Variants in IQCM observed in about 807,000 individuals in gnomAD.
IQCM encodes IQ domain-containing protein M.
A neutral mutation model predicts 57.6 loss-of-function variants in IQCM; 45 were observed. That is an observed-to-expected ratio of 0.78 (90% confidence interval 0.62 to 1.00). IQCM has a LOEUF of 1.00. Ranked by LOEUF, IQCM falls within the 50% of genes least tolerant of loss-of-function variation. The pLI is 0.00. For missense variants in IQCM, 468 were observed against 511.6 expected (o/e 0.91, Z 0.82); for synonymous variants, 148 against 158.9 (o/e 0.93, Z 0.51).
At chr4:149,758,280 A>G (rs1399407464) in intron 2 of IQCM, among the ~76,000 whole-genome samples, 1 of 152,198 alleles carries the variant, frequency 6.6e-6, no homozygotes, top group Admixed American at 6.5e-5. Flanking sequence ...ATCCAGATGC[A>G]AAAACAAAGA....
At chr4:149,587,855 A>T (rs1752780272) in intron 9 of IQCM, 75 bp downstream of exon 9, 1 of 629,668 alleles carries the variant, frequency 1.6e-6, no homozygotes, top group African/African-American at 1.9e-5. Flanking sequence ...CCTAGTTATT[A>T]AAGTCAGCAA....
intron 2 of IQCM, among the ~76,000 whole-genome samples, chr4:149,767,164 A>G (rs1241534029): frequency 6.6e-6 from 1 of 152,070 alleles, no homozygotes; most frequent in African/African-American, 2.4e-5. Context: ...GAATAGAAAG[A>G]GGTAAAATCT....
At chr4:149,475,180 C>T (rs760692651) in intron 12 of IQCM, among the ~76,000 whole-genome samples, 4 of 152,126 alleles carry the variant, frequency 2.6e-5, no homozygotes, top group Non-Finnish European at 5.9e-5. Flanking sequence ...ATGGATGAGA[C>T]TATCTCATGG....
At chr4:149,481,696 G>GTTTTTTTTTTTTTTTTTTTTTTTTTTT (rs1197852884) in intron 12 of IQCM, among the ~76,000 whole-genome samples, 7 of 33,614 alleles carry the variant, frequency 2.1e-4, no homozygotes, top group Admixed American at 1.4e-3. Context: ...GATTCTTCCA[G>GTTTTTTTTTTTTTTTTTTTTTTTTTTT]TTTTGTTTTT....
chr4:149,602,270 T>C (rs1754386554), intron 8 of IQCM, among the ~76,000 whole-genome samples: 1 of 152,134 alleles, frequency 6.6e-6, no homozygotes, highest in South Asian at 2.1e-4. Context: ...TGAACATTAC[T>C]GGAATTTGGT....
At chr4:149,492,987 T>C (rs1487002173) in intron 12 of IQCM, among the ~76,000 whole-genome samples, 1 of 152,092 alleles carries the variant, frequency 6.6e-6, no homozygotes, top group South Asian at 2.1e-4. Flanking sequence ...ATGTCCATCT[T>C]GTAAGAGCAC....
chr4:149,519,611 G>A (rs553704807), intron 12 of IQCM, among the ~76,000 whole-genome samples: 15 of 151,606 alleles, frequency 9.9e-5, no homozygotes, highest in East Asian at 5.9e-4. Context: ...GCGCCACTGC[G>A]CTCCAGCCTG....
chr4:149,512,600 C>G (rs1579317063), intron 12 of IQCM, among the ~76,000 whole-genome samples: 2 of 151,940 alleles, frequency 1.3e-5, no homozygotes, highest in East Asian at 3.9e-4. Context: ...TCTACTAAGC[C>G]AGAGGTAAAA....
chr4:149,769,706 AG>A (rs1770390290), intron 2 of IQCM, among the ~76,000 whole-genome samples: 1 of 152,096 alleles, frequency 6.6e-6, no homozygotes, highest in African/African-American at 2.4e-5. Context: ...ATAATAATAA[AG>A]GGGTCAATTG....
rs1742213303 is a variant in IQCM at position 149,492,609 on chromosome 4, T to C, written c.1228+55846A>G. On this transcript the variant is annotated intron_variant, in intron 12 of 13. Transcript: ENST00000636793. ...TAGCCATAAGGCCCATTCGAACATCTTGCAAGGCCTACATTCTGTGTCACT... is the reference window on the plus strand; with the variant it reads ...TAGCCATAAGGCCCATTCGAACATCCTGCAAGGCCTACATTCTGTGTCACT... Among the ~76,000 whole-genome samples, 3 of 152,250 alleles carry C rather than the reference T, an allele frequency of 2.0e-5. No individual in the cohort carries two copies. The South Asian group carries it at 6.2e-4, about 31-fold the overall frequency.
At chr4:149,787,087 C>T (rs1463048628) in intron 2 of IQCM, among the ~76,000 whole-genome samples, 1 of 152,058 alleles carries the variant, frequency 6.6e-6, no homozygotes, top group Non-Finnish European at 1.5e-5. Flanking sequence ...AACGGAAAAC[C>T]AAACACCGCA....
intron 7 of IQCM, among the ~76,000 whole-genome samples, chr4:149,672,716 C>T (rs753349873): frequency 1.2e-4 from 18 of 152,230 alleles, no homozygotes; most frequent in Admixed American, 2.0e-4. Context: ...GGATATTTTC[C>T]AGGAGAACTT....
intron 13 of IQCM, among the ~76,000 whole-genome samples, chr4:149,376,961 A>G (rs1044723681): frequency 6.6e-6 from 1 of 152,060 alleles, no homozygotes; most frequent in African/African-American, 2.4e-5. Flanking sequence ...TAATAATGCT[A>G]CCACTCATAC....
chr4:149,504,047 T>C (rs1743533039), intron 12 of IQCM, among the ~76,000 whole-genome samples: 1 of 152,120 alleles, frequency 6.6e-6, no homozygotes, highest in Non-Finnish European at 1.5e-5. Context: ...GACTCATTCT[T>C]ACTAGCCAAT....
chr4:149,812,809 T>C (rs1008086542), intron 2 of IQCM, among the ~76,000 whole-genome samples: 3 of 152,150 alleles, frequency 2.0e-5, no homozygotes, highest in African/African-American at 7.2e-5. Context: ...AAGCTGAACC[T>C]CTGCTCTGGC....
chr4:149,715,202 G>A (rs780344526), intron 5 of IQCM, among the ~76,000 whole-genome samples: 14 of 152,204 alleles, frequency 9.2e-5, no homozygotes, highest in Non-Finnish European at 1.8e-4. Flanking sequence ...GACAGGCTGT[G>A]CTCAGCTCAC....
chr4:149,539,296 CATA>C (rs1747612503), intron 12 of IQCM, among the ~76,000 whole-genome samples: 1 of 152,052 alleles, frequency 6.6e-6, no homozygotes, highest in African/African-American at 2.4e-5. Context: ...AAAAGCCAGT[CATA>C]GTAGACTACA....
At chr4:149,352,931 A>G (rs1237167400) in intron 13 of IQCM, among the ~76,000 whole-genome samples, 1 of 152,180 alleles carries the variant, frequency 6.6e-6, no homozygotes, top group Non-Finnish European at 1.5e-5. Context: ...TTGTTATTAA[A>G]CAAAAACATA....
chr4:149,435,394 A>T (rs1327738830), intron 12 of IQCM, among the ~76,000 whole-genome samples: 1 of 152,050 alleles, frequency 6.6e-6, no homozygotes, highest in Non-Finnish European at 1.5e-5. Flanking sequence ...ACAATGAATT[A>T]CTCACATGTT....
Sources: allele counts gnomAD v4.1 joint callset (sites outside exome capture counted in the v4.1 genomes callset), GRCh38; gene constraint gnomAD v4.1.1; transcripts MANE v1.5; gene names NCBI Gene and HGNC (gene_info 2026-07-23, HGNC 2026-07-21).